MYH11: variants seen among roughly 807,000 people sequenced by gnomAD.
The protein encoded by MYH11 is myosin heavy chain 11, also known as myosin-11.
Under a neutral mutation model 246.6 loss-of-function variants are expected in MYH11, and 80 were observed. The ratio of observed to expected loss-of-function variants is 0.32; its 90% CI spans 0.27 to 0.39. MYH11 has a LOEUF of 0.39. Ranked by LOEUF, MYH11 falls within the 10% of genes least tolerant of loss-of-function variation. The pLI, the probability that MYH11 is intolerant of heterozygous loss-of-function variation, is 1.00. For missense variants in MYH11, 2,158 were observed against 2,546.8 expected, an observed-to-expected ratio of 0.85 and a Z score of 3.29; for synonymous variants, 1,071 against 1,015.5, an observed-to-expected ratio of 1.05 and a Z score of -1.04.
intron 26 of MYH11, among the ~76,000 whole-genome samples, chr16:15,735,092 T>C (rs765934551): frequency 6.7e-6 from 1 of 148,610 alleles, no homozygotes; most frequent in Non-Finnish European, 1.5e-5. Context: ...GGCATGAGAA[T>C]CGCTTAAATC....
intron 1 of MYH11, among the ~76,000 whole-genome samples, chr16:15,842,834 T>C (rs2044092079): frequency 2.0e-5 from 3 of 147,520 alleles, no homozygotes; most frequent in African/African-American, 7.5e-5. Flanking sequence ...GAATAATCAC[T>C]TCAGATATCC....
At chr16:15,807,614 G>C (rs757560397) in intron 3 of MYH11, among the ~76,000 whole-genome samples, 2 of 152,140 alleles carry the variant, frequency 1.3e-5, no homozygotes, top group African/African-American at 4.8e-5. Context: ...CCTCCGTGGA[G>C]TCTGGGAAGG....
Position 15,847,265 on chromosome 16 carries a change from T to TTTTC in MYH11, c.-17-8997_-17-8996insGAAA, listed in dbSNP as rs574635258. On this transcript the variant is annotated intron_variant, in intron 1 of 40. Coordinates refer to ENST00000300036, the MANE Select transcript of MYH11 (RefSeq NM_002474.3). ...GGACTTCTTTTTTTTTTTTTTTTTT[T>TTTTC]TCTGAGACAGGGTCTTGCTCTGTCG... is the stretch of plus-strand genomic sequence containing the variant. 6.0e-4 allele frequency among the ~76,000 whole-genome samples: 70 copies of TTTTC among 116,192 alleles called. 3 individuals carry two copies. The highest frequency in any genetic ancestry group is 4.4e-3 in the Middle Eastern group (1 of 228). The allele number at this position is 116,192 out of a possible 152,430, so 76.2% of individuals were successfully genotyped here. A position where few individuals can be genotyped will look rare whatever the true frequency, so the allele number is the denominator to read the frequency against.
At chr16:15,774,974 A>G (rs1409819303) in intron 8 of MYH11, among the ~76,000 whole-genome samples, 3 of 152,340 alleles carry the variant, frequency 2.0e-5, no homozygotes, top group Non-Finnish European at 4.4e-5. Context: ...GAGCTCACAC[A>G]GATCCTTTTG....
At chr16:15,714,222 G>A (rs941159151) in intron 40 of MYH11, 7 of 153,840 alleles carry the variant, frequency 4.6e-5, no homozygotes, top group Admixed American at 1.3e-4. Context: ...GGACCCCCAA[G>A]GTACCAGAGG....
At chr16:15,821,396 T>C (rs2043406571) in intron 3 of MYH11, among the ~76,000 whole-genome samples, 1 of 152,246 alleles carries the variant, frequency 6.6e-6, no homozygotes, top group South Asian at 2.1e-4. Context: ...TTTTGGATGA[T>C]AGAATCATAG....
chr16:15,744,733 C>A (rs2041370144), intron 20 of MYH11, among the ~76,000 whole-genome samples: 1 of 149,454 alleles, frequency 6.7e-6, no homozygotes, highest in Admixed American at 6.7e-5. Context: ...GAACTCCTGA[C>A]CGCAAGTGAT....
intron 2 of MYH11, among the ~76,000 whole-genome samples, chr16:15,831,937 TA>T (rs34089893): frequency 0.013 from 1,873 of 142,142 alleles, 13 homozygotes; most frequent in Middle Eastern, 0.032. Context: ...GACTCCATGT[TA>T]AAAAAAAAAA....
At chr16:15,760,910 T>C (rs2041853644) in intron 10 of MYH11, among the ~76,000 whole-genome samples, 1 of 152,058 alleles carries the variant, frequency 6.6e-6, no homozygotes, top group African/African-American at 2.4e-5. Flanking sequence ...TAGGGTCAGG[T>C]AGTTCTAGTT....
rs143589954 is a variant in MYH11 at position 15,804,258 on chromosome 16, C to T, written c.503-5571G>A. On this transcript the variant is annotated intron_variant, in intron 3 of 40. Coordinates refer to ENST00000300036, the MANE Select transcript of MYH11 (RefSeq NM_002474.3). ...TAAAGTGAATAATTCAAGCCAGGTG[C>T]GGTGGCTTATGCCTGTAATCCCAGC... 3.0e-4 allele frequency among the ~76,000 whole-genome samples: 46 copies of T among 152,248 alleles called. No homozygotes were observed. The East Asian group carries it at 7.9e-3, about 26-fold the overall frequency.
chr16:15,831,464 G>GGTGTGTGTGTGTGTGTGTGTGTGTGTGT (rs59352444), intron 2 of MYH11, among the ~76,000 whole-genome samples: 1 of 145,588 alleles, frequency 6.9e-6, no homozygotes, highest in African/African-American at 2.6e-5. Context: ...TTATGTTTGG[G>GGTGTGTGTGTGTGTGTGTGTGTGTGTGT]GTGTGTGTGT....
intron 40 of MYH11, among the ~76,000 whole-genome samples, chr16:15,707,036 G>A (rs954438673): frequency 2.0e-5 from 3 of 152,052 alleles, no homozygotes; most frequent in African/African-American, 7.2e-5. Flanking sequence ...TCTGATCCTG[G>A]AGAATCTGGA....
chr16:15,732,961 T>G (rs911596993), intron 26 of MYH11: 5 of 575,040 alleles, frequency 8.7e-6, no homozygotes, highest in Non-Finnish European at 1.6e-5. Flanking sequence ...GTAATAGAAT[T>G]GAAAGGATGT....
intron 37 of MYH11, 44 bp from the exon 38 acceptor site, chr16:15,717,392 C>T (rs760439257): frequency 1.3e-6 from 2 of 1,592,866 alleles, no homozygotes; most frequent in Non-Finnish European, 1.7e-6. Flanking sequence ...CAGGGAAGCC[C>T]AAGAGAGCGC....
intron 5 of MYH11, chr16:15,783,217 C>G (rs13332091): frequency 3.9e-5 from 6 of 152,204 alleles, no homozygotes; most frequent in Non-Finnish European, 7.3e-5. Flanking sequence ...GGAAAGCAAA[C>G]GAGCTGCTCT....
intron 5 of MYH11, 129 bp from the exon 6 acceptor site, chr16:15,782,606 G>A (rs950224590): frequency 3.0e-5 from 21 of 708,662 alleles, no homozygotes; most frequent in Non-Finnish European, 5.1e-5. Context: ...CCTCCTCTTA[G>A]ACCCTGATGC....
chr16:15,719,142 AAT>A (rs1397884099), intron 36 of MYH11, 76 bp downstream of exon 36: 1 of 1,442,756 alleles, frequency 6.9e-7, no homozygotes, highest in African/African-American at 1.4e-5. Flanking sequence ...AAATTTAAAA[AAT>A]AAAATGGGGG....
chr16:15,733,523 G>A (rs778824706), intron 26 of MYH11, among the ~76,000 whole-genome samples: 12 of 148,118 alleles, frequency 8.1e-5, no homozygotes, highest in South Asian at 2.2e-4. Context: ...GTGAGCCACC[G>A]CACTCAGCCT....
At chr16:15,810,210 T>G (rs2043107743) in intron 3 of MYH11, among the ~76,000 whole-genome samples, 1 of 151,622 alleles carries the variant, frequency 6.6e-6, no homozygotes, top group Admixed American at 6.6e-5. Context: ...ATTTTTTGTA[T>G]TTTTAGTAGA....
Sources: gnomAD v4.1 joint callset for allele counts (sites outside exome capture counted in the v4.1 genomes callset) on GRCh38, gnomAD v4.1.1 for gene constraint, MANE v1.5 for transcripts, NCBI Gene and HGNC (gene_info 2026-07-23, HGNC 2026-07-21) for gene names.